The following ARL4D variants were observed in gnomAD, a reference collection of about 807,000 sequenced individuals.
The protein encoded by ARL4D is ADP-ribosylation factor-like protein 4D.
In ARL4D, 1 loss-of-function variant was observed where a neutral mutation model predicts 0.6. That is an observed-to-expected ratio of 1.64 (90% CI 0.58 to 7.76). The LOEUF (loss-of-function observed/expected upper bound fraction) is 7.76. Ranked by LOEUF, ARL4D falls within the 30% of genes most tolerant of loss-of-function variation. The pLI is 0.14. For synonymous variants in ARL4D, 102 were observed against 115.2 expected (o/e 0.89, Z 0.73); for missense variants, 230 against 264.5 (o/e 0.87, Z 0.90).
chr17:43,400,468 A>G lies in ARL4D; in HGVS notation c.*130A>G. The G allele has an allele frequency of 7.9e-7, 1 of 1,267,696 alleles. No homozygotes were observed. Among genetic ancestry groups the G allele is most frequent in the Non-Finnish European group, 1.1e-6 (1 of 927,322 alleles). 78.5% of individuals were successfully genotyped at this position (1,267,696 alleles called of 1,614,324 possible). A position where few individuals can be genotyped will look rare whatever the true frequency, so the allele number is the denominator to read the frequency against. ...TGTCCACCTCAATGAAGGAGAGAGG[A>G]GCATGGGGTGTCCCGTTTTGGTGCC... On this transcript the variant is annotated 3_prime_UTR_variant, in exon 2 of 2. Coordinates refer to ENST00000320033, the MANE Select transcript of ARL4D (RefSeq NM_001661.4).
In ARL4D at chr17:43,400,355, C is replaced by G; in HGVS notation, c.*17C>G. The G allele has an allele frequency of 1.3e-6, 2 of 1,558,412 alleles. No individual in the cohort carries two copies. The highest frequency in any genetic ancestry group is 1.4e-5 in the African/African-American group (1 of 73,740). The stretch of plus-strand genomic sequence containing the variant: ...AGACGGTGACCCAAGCCCCCCCTCC[C>G]TTTCCTCCCACCTAGTAGGGGTCTG... On this transcript the variant is annotated 3_prime_UTR_variant, in exon 2 of 2. Coordinates refer to ENST00000320033, the MANE Select transcript of ARL4D (RefSeq NM_001661.4).
intron 1 of ARL4D, 108 bp from the exon 2 acceptor site, chr17:43,399,553 T>G: frequency 1.2e-6 from 1 of 805,360 alleles, no homozygotes; most frequent in Non-Finnish European, 1.9e-6. Flanking sequence ...GAAAGGAATT[T>G]TAAAAATGAA....
chr17:43,399,773 CCTT>C lies in ARL4D; in HGVS notation c.45_47del (p.Phe15del), dbSNP rs1406681652. 6.2e-7 allele frequency: 1 copy of C among 1,613,810 alleles called. No individual in the cohort carries two copies. Among genetic ancestry groups the C allele is most frequent in the Non-Finnish European group, 8.5e-7 (1 of 1,179,902 alleles). The stretch of plus-strand genomic sequence containing the variant: ...ACTGAGATGGCGCCCACTGCCTCCT[CCTT>C]CTTGCCCCACTTCCAAGCCCTGCAT... On this transcript the variant is annotated inframe_deletion, in exon 2 of 2. Coordinates refer to ENST00000320033, the MANE Select transcript of ARL4D (RefSeq NM_001661.4).
chr17:43,400,404 C>G lies in ARL4D; in HGVS notation c.*66C>G. The G allele has an allele frequency of 1.3e-6, 2 of 1,515,438 alleles. No individual in the cohort carries two copies. The highest frequency in any genetic ancestry group is 1.8e-6 in the Non-Finnish European group (2 of 1,132,656). The allele number at this position is 1,515,438 out of a possible 1,614,324, so 93.9% of individuals were successfully genotyped here. A position where few individuals can be genotyped will look rare whatever the true frequency, so the allele number is the denominator to read the frequency against. On this transcript the variant is annotated 3_prime_UTR_variant, in exon 2 of 2. Coordinates refer to ENST00000320033, the MANE Select transcript of ARL4D (RefSeq NM_001661.4). The stretch of plus-strand genomic sequence containing the variant: ...TGCACACTTGGACAGCAGGGTGGGA[C>G]CAGCCTGTGACCTCTCAGTCAGACT...
At position 43,400,977 on chromosome 17, in the gene ARL4D, C is replaced by T. The variant is rs2058086445; in HGVS notation, c.*639C>T. 1 of 166,926 alleles carries T rather than the reference C, an allele frequency of 6.0e-6. No individual in the cohort carries two copies. Among genetic ancestry groups the T allele is most frequent in the Non-Finnish European group, 1.5e-5 (1 of 68,102 alleles). The allele number at this position is 166,926 out of a possible 1,614,324, so 10.3% of individuals were successfully genotyped here. ...GGGCATTTTCCTCTCCTTATCTTGC[C>T]CCAGAGACAATTCAAGATTTCTATA... is the stretch of plus-strand genomic sequence containing the variant. On this transcript the variant is annotated 3_prime_UTR_variant, in exon 2 of 2. Transcript: ENST00000320033.
In ARL4D at chr17:43,400,240, G is replaced by T; in HGVS notation, c.508G>T (p.Ala170Ser). ...TCTCACTCATGTGCAAGGCTGCAGC[G>T]CTGTGGACGGTCTGGGCCTGCAGCA... is the stretch of plus-strand genomic sequence containing the variant. ...ATLTHVQGCSAVDGLGLQQGL... is the reference protein window; with the variant it reads ...ATLTHVQGCSSVDGLGLQQGL... The change falls in exon 2 of 2, where the codon GCT becomes TCT. Residue 170 changes from alanine (A) to serine (S), a missense_variant. By Grantham distance (99) the Ala-to-Ser change is moderately conservative. Around this residue, in one of 3 missense-constraint regions of ARL4D, gnomAD observed 131 missense variants for 134.4 expected, o/e 0.97. Transcript: ENST00000320033. The T allele has an allele frequency of 1.9e-6, 3 of 1,606,634 alleles. No homozygotes were observed. The highest frequency in any genetic ancestry group is 2.2e-5 in the South Asian group (2 of 90,160).
In ARL4D at chr17:43,399,750, T is replaced by G; in HGVS notation, c.18T>G (p.Thr6=). Residue 6 remains threonine, a synonymous_variant, in exon 2 of 2, where the codon ACT becomes ACG. Transcript: ENST00000320033. The part of the protein sequence containing the change: MGNHL[T]EMAPTASSFL... ...AGCTCACTATGGGGAACCACTTGAC[T>G]GAGATGGCGCCCACTGCCTCCTCCT... 6.2e-7 allele frequency: 1 copy of G among 1,613,182 alleles called. No homozygotes were observed.
At position 43,400,203 on chromosome 17, in the gene ARL4D, A is replaced by T. The variant is rs1357221226; in HGVS notation, c.471A>T (p.Leu157=). The change falls in exon 2 of 2, where the codon CTA becomes CTT. Residue 157 remains leucine (L), a synonymous_variant. Transcript: ENST00000320033. The part of the protein sequence containing the change: ...EVEKRLAVRE[L]AAATLTHVQG... ...AGAAGAGGCTGGCAGTCCGAGAGCT[A>T]GCAGCCGCCACTCTCACTCATGTGC... 6.3e-7 allele frequency: 1 copy of T among 1,595,682 alleles called. No individual in the cohort carries two copies. The highest frequency in any genetic ancestry group is 1.8e-5 in the Admixed American group (1 of 56,878).
In ARL4D at chr17:43,400,581, G is replaced by A. The variant is rs947664910; in HGVS notation, c.*243G>A. On this transcript the variant is annotated 3_prime_UTR_variant, in exon 2 of 2. Coordinates refer to ENST00000320033, the MANE Select transcript of ARL4D (RefSeq NM_001661.4). ...GTGGGCGCTGCAGGACTGTGGAGAC[G>A]TAAATGTAAACTGTGACTCTACCTC... is the stretch of plus-strand genomic sequence containing the variant. 1.1e-5 allele frequency: 5 copies of A among 456,318 alleles called. No individual in the cohort carries two copies. Among genetic ancestry groups the A allele is most frequent in the African/African-American group, 3.9e-5 (2 of 50,770 alleles). 28.3% of individuals were successfully genotyped at this position (456,318 alleles called of 1,614,324 possible).
rs976184053 is a variant in ARL4D, at chr17:43,400,588, T to C, written c.*250T>C. The C allele has an allele frequency of 7.0e-5, 31 of 445,358 alleles. No individual in the cohort carries two copies. Among genetic ancestry groups the C allele is most frequent in the Non-Finnish European group, 1.2e-4 (30 of 245,004 alleles). 27.6% of individuals were successfully genotyped at this position (445,358 alleles called of 1,614,324 possible). A position where few individuals can be genotyped will look rare whatever the true frequency, so the allele number is the denominator to read the frequency against. ...CTGCAGGACTGTGGAGACGTAAATG[T>C]AAACTGTGACTCTACCTCGACCCTG... On this transcript the variant is annotated 3_prime_UTR_variant, in exon 2 of 2. Coordinates refer to ENST00000320033, the MANE Select transcript of ARL4D (RefSeq NM_001661.4).
At chr17:43,399,627 C>T (rs2058079266) in intron 1 of ARL4D, 34 bp from the exon 2 acceptor site, 1 of 1,395,480 alleles carries the variant, frequency 7.2e-7, no homozygotes, top group Non-Finnish European at 9.7e-7. Context: ...TATTAAACGT[C>T]TCCTTTTTCT....
In ARL4D at chr17:43,399,953, T is replaced by G; in HGVS notation, c.221T>G (p.Val74Gly). 6.2e-7 allele frequency: 1 copy of G among 1,613,352 alleles called. No homozygotes were observed. Among genetic ancestry groups the G allele is most frequent in the Non-Finnish European group, 8.5e-7 (1 of 1,179,906 alleles). Reference sequence around the variant, plus strand: ...GGATCGCGTGGCATCACCTTCCAAGTGTGGGACGTCGGGGGGCAGGAGAAG... The same window carrying G: ...GGATCGCGTGGCATCACCTTCCAAGGGTGGGACGTCGGGGGGCAGGAGAAG... ...LGGSRGITFQVWDVGGQEKLR... is the reference protein window; with the variant it reads ...LGGSRGITFQGWDVGGQEKLR... Residue 74 changes from valine to glycine, a missense_variant, in exon 2 of 2, where the codon GTG (valine) becomes GGG (glycine). Val to Gly is a moderately radical substitution (Grantham distance 109, BLOSUM62 -3). Around this residue, in one of 3 missense-constraint regions of ARL4D, gnomAD observed 91 missense variants for 100.4 expected, o/e 0.91. Coordinates refer to ENST00000320033, the MANE Select transcript of ARL4D (RefSeq NM_001661.4).
At position 43,400,381 on chromosome 17, in the gene ARL4D, C is replaced by A; in HGVS notation, c.*43C>A. ...TTTCCTCCCACCTAGTAGGGGTCTG[C>A]ACACTTGGACAGCAGGGTGGGACCA... On this transcript the variant is annotated 3_prime_UTR_variant, in exon 2 of 2. Coordinates refer to ENST00000320033, the MANE Select transcript of ARL4D (RefSeq NM_001661.4). The A allele has an allele frequency of 1.3e-6, 2 of 1,530,704 alleles. No individual in the cohort carries two copies. Among genetic ancestry groups the A allele is most frequent in the Non-Finnish European group, 1.8e-6 (2 of 1,140,596 alleles). The allele number at this position is 1,530,704 out of a possible 1,614,324, so 94.8% of individuals were successfully genotyped here. A position where few individuals can be genotyped will look rare whatever the true frequency, so the allele number is the denominator to read the frequency against.
intron 1 of ARL4D, among the ~76,000 whole-genome samples, chr17:43,399,297 C>G (rs2058077638): frequency 6.6e-6 from 1 of 152,256 alleles, no homozygotes; most frequent in East Asian, 1.9e-4. Flanking sequence ...GTCTCAGCGT[C>G]TGCACCCTAG....
chr17:43,400,337 G>T lies in ARL4D; in HGVS notation c.605G>T (p.Ter202LeuextTer82). ...KAARGGKKRR[*>L] ...GCTCGGGGTGGCAAGAAGAGACGGT[G>T]ACCCAAGCCCCCCCTCCCTTTCCTC... is the stretch of plus-strand genomic sequence containing the variant. The change falls in exon 2 of 2, where the codon TGA becomes TTA. Residue 202 changes from the stop codon to leucine (L), a stop_lost. Coordinates refer to ENST00000320033, the MANE Select transcript of ARL4D (RefSeq NM_001661.4). 6.4e-7 allele frequency: 1 copy of T among 1,574,592 alleles called. No individual in the cohort carries two copies. The highest frequency in any genetic ancestry group is 1.2e-5 in the South Asian group (1 of 84,652).
rs2058083689 is a variant in ARL4D, at chr17:43,400,433, G to T, written c.*95G>T. 2 of 1,454,952 alleles carry T rather than the reference G, an allele frequency of 1.4e-6. No homozygotes were observed. Among genetic ancestry groups the T allele is most frequent in the Admixed American group, 4.8e-5 (2 of 41,652 alleles). 90.1% of individuals were successfully genotyped at this position (1,454,952 alleles called of 1,614,324 possible). A position where few individuals can be genotyped will look rare whatever the true frequency, so the allele number is the denominator to read the frequency against. ...CCTGTGACCTCTCAGTCAGACTGGGGTGCAGGACCTGTCCACCTCAATGAA... is the reference window on the plus strand; with the variant it reads ...CCTGTGACCTCTCAGTCAGACTGGGTTGCAGGACCTGTCCACCTCAATGAA... On this transcript the variant is annotated 3_prime_UTR_variant, in exon 2 of 2. Transcript: ENST00000320033.
chr17:43,400,611 C>T lies in ARL4D; in HGVS notation c.*273C>T. ...TGTAAACTGTGACTCTACCTCGACC[C>T]TGTTTCTTATTTTTCTTCTCTGGCT... On this transcript the variant is annotated 3_prime_UTR_variant, in exon 2 of 2. Transcript: ENST00000320033. The T allele has an allele frequency of 2.9e-6, 1 of 350,764 alleles. No individual in the cohort carries two copies. The highest frequency in any genetic ancestry group is 8.0e-5 in the South Asian group (1 of 12,426). The allele number at this position is 350,764 out of a possible 1,614,324, so 21.7% of individuals were successfully genotyped here.
Position 43,400,524 on chromosome 17 carries a change from C to T in ARL4D, c.*186C>T, listed in dbSNP as rs1426621945. 7.1e-6 allele frequency: 5 copies of T among 701,136 alleles called. No homozygotes were observed. The Admixed American group carries it at 1.6e-4, about 22-fold the overall frequency. The allele number at this position is 701,136 out of a possible 1,614,324, so 43.4% of individuals were successfully genotyped here. A position where few individuals can be genotyped will look rare whatever the true frequency, so the allele number is the denominator to read the frequency against. ...GGGGTGGGGATGGGAGATGGGATGT[C>T]TTTGCATATCTCTCTCATCCTCTCT... On this transcript the variant is annotated 3_prime_UTR_variant, in exon 2 of 2. Transcript: ENST00000320033.
In ARL4D at chr17:43,400,474, G is replaced by A; in HGVS notation, c.*136G>A. On this transcript the variant is annotated 3_prime_UTR_variant, in exon 2 of 2. Transcript: ENST00000320033. Reference sequence around the variant, plus strand: ...CCTCAATGAAGGAGAGAGGAGCATGGGGTGTCCCGTTTTGGTGCCACACTG... The same window carrying A: ...CCTCAATGAAGGAGAGAGGAGCATGAGGTGTCCCGTTTTGGTGCCACACTG... 1 of 1,222,460 alleles carries A rather than the reference G, an allele frequency of 8.2e-7. No individual in the cohort carries two copies. Among genetic ancestry groups the A allele is most frequent in the Non-Finnish European group, 1.1e-6 (1 of 887,690 alleles). 75.7% of individuals were successfully genotyped at this position (1,222,460 alleles called of 1,614,324 possible).
Sources: allele counts gnomAD v4.1 joint callset (sites outside exome capture counted in the v4.1 genomes callset), GRCh38; gene constraint gnomAD v4.1.1; regional missense constraint gnomAD v4.1.1; transcripts MANE v1.5; gene names NCBI Gene and HGNC (gene_info 2026-07-23, HGNC 2026-07-21).